PTPRD: variants seen among roughly 807,000 people sequenced by gnomAD.
The protein encoded by PTPRD is protein tyrosine phosphatase receptor type D.
In PTPRD, 34 loss-of-function variants were observed where a neutral mutation model predicts 214.5. The ratio of observed to expected loss-of-function variants is 0.16; its 90% CI spans 0.12 to 0.21. The LOEUF (loss-of-function observed/expected upper bound fraction) is 0.21, where lower values mean the gene tolerates loss of function less well. Ranked by LOEUF, PTPRD falls within the 10% of genes least tolerant of loss-of-function variation. The probability of loss-of-function intolerance (pLI) is 1.00; values close to 1 mark genes in which losing one functional copy is unlikely to be tolerated. For synonymous variants in PTPRD, 1,128 were observed against 845.7 expected (o/e 1.33, Z -5.79); for missense variants, 2,545 against 2,398.7 (o/e 1.06, Z -1.27).
chr9:10,078,610 G>A (rs1339821009), intron 3 of PTPRD, among the ~76,000 whole-genome samples: 1 of 150,854 alleles, frequency 6.6e-6, no homozygotes, highest in African/African-American at 2.4e-5. Context: ...CCCAATCAGG[G>A]GGTGTTTGGT....
At chr9:10,125,007 A>T (rs2098804966) in intron 3 of PTPRD, among the ~76,000 whole-genome samples, 1 of 152,216 alleles carries the variant, frequency 6.6e-6, no homozygotes, top group African/African-American at 2.4e-5. Context: ...ACAGAAAAGT[A>T]AAAATACATC....
intron 9 of PTPRD, among the ~76,000 whole-genome samples, chr9:9,275,660 T>A (rs1945329615): frequency 6.6e-6 from 1 of 151,208 alleles, no homozygotes; most frequent in African/African-American, 2.4e-5. Flanking sequence ...CAGAATATTG[T>A]CTTTCTAAGT....
chr9:8,948,470 T>TATATATATATTTATATATATATTTAC (rs1567182737), intron 11 of PTPRD, among the ~76,000 whole-genome samples: 191 of 8,588 alleles, frequency 0.022, 34 homozygotes, highest in African/African-American at 0.052. Flanking sequence ...TATATTTACA[T>TATATATATATTTATATATATATTTAC]ATATATATAT....
At chr9:8,623,979 T>G (rs2095912637) in intron 14 of PTPRD, among the ~76,000 whole-genome samples, 1 of 151,966 alleles carries the variant, frequency 6.6e-6, no homozygotes, top group African/African-American at 2.4e-5. Flanking sequence ...ATTCTTCTGC[T>G]TCTTCTAAAA....
chr9:9,339,800 A>C (rs1198686693), intron 9 of PTPRD, among the ~76,000 whole-genome samples: 1 of 152,188 alleles, frequency 6.6e-6, no homozygotes, highest in East Asian at 1.9e-4. Flanking sequence ...CACTACTTTG[A>C]GACTATAGCA....
At chr9:8,340,978 C>A in intron 41 of PTPRD, 112 bp downstream of exon 41, 1 of 1,082,670 alleles carries the variant, frequency 9.2e-7, no homozygotes, top group Non-Finnish European at 1.3e-6. Flanking sequence ...TAAATGATGA[C>A]CTATGCAGAA....
chr9:8,859,635 A>C lies in PTPRD; in HGVS notation c.-103-125689T>G, dbSNP rs2098054670. Reference sequence around the variant, plus strand: ...CTTAGATTTGACTTAATGATCCAGCATGCTGACTGCTGTCTCAAGCTGCCC... The same window carrying C: ...CTTAGATTTGACTTAATGATCCAGCCTGCTGACTGCTGTCTCAAGCTGCCC... On this transcript the variant is annotated intron_variant, in intron 11 of 45. Coordinates refer to ENST00000381196, the MANE Select transcript of PTPRD (RefSeq NM_002839.4). Among the ~76,000 whole-genome samples, 3 of 152,162 alleles carry C rather than the reference A, an allele frequency of 2.0e-5. 1 individual carries two copies. Among genetic ancestry groups the C allele is most frequent in the Admixed American group, 2.0e-4 (3 of 15,270 alleles).
chr9:9,676,473 T>C (rs1436121701), intron 7 of PTPRD, among the ~76,000 whole-genome samples: 1 of 152,082 alleles, frequency 6.6e-6, no homozygotes, highest in Non-Finnish European at 1.5e-5. Context: ...TTTTTATGGC[T>C]GCATAGTATT....
At chr9:10,170,438 T>G (rs2099194612) in intron 3 of PTPRD, among the ~76,000 whole-genome samples, 1 of 152,148 alleles carries the variant, frequency 6.6e-6, no homozygotes, top group South Asian at 2.1e-4. Context: ...ACACCTGTAA[T>G]CCCAGCACTT....
At position 9,463,244 on chromosome 9, in the gene PTPRD, A is replaced by T. The variant is rs1484352035; in HGVS notation, c.-236-65762T>A. 3.3e-5 allele frequency among the ~76,000 whole-genome samples: 5 copies of T among 152,180 alleles called. No homozygotes were observed. In the East Asian group the frequency reaches 9.7e-4, roughly 29 times the overall value. On this transcript the variant is annotated intron_variant, in intron 8 of 45. Transcript: ENST00000381196. Reference sequence around the variant, plus strand: ...TGCTTTAAGAATCAGGCAGCTAGGGATCATTGAATCCTTGAAGTTTAAATT... The same window carrying T: ...TGCTTTAAGAATCAGGCAGCTAGGGTTCATTGAATCCTTGAAGTTTAAATT...
intron 2 of PTPRD, among the ~76,000 whole-genome samples, chr9:10,450,221 A>C (rs2098831244): frequency 6.6e-6 from 1 of 151,666 alleles, no homozygotes; most frequent in African/African-American, 2.4e-5. Context: ...TCCAAGAAAC[A>C]CCCAAGAATG....
rs893491196 is a variant in PTPRD, at chr9:8,341,721, T to G, written c.4919A>C (p.Asn1640Thr). 1.9e-6 allele frequency: 3 copies of G among 1,613,476 alleles called. No homozygotes were observed. The highest frequency in any genetic ancestry group is 2.7e-5 in the African/African-American group (2 of 74,980). Residue 1640 changes from asparagine to threonine, a missense_variant, in exon 40 of 46, where the codon AAT (asparagine) becomes ACT (threonine). By Grantham distance (65) the Asn-to-Thr change is moderately conservative. Transcript: ENST00000381196. ...QKLTQIETGE[N>T]VTGMELEFKR... is the part of the protein sequence containing the mutation. ...AAATTCGAGCTCCATTCCTGTGACA[T>G]TCTCTCCCGTTTCTATTTGTGTCAG...
Position 9,616,648 on chromosome 9 carries a change from G to A in PTPRD, c.-286-41867C>T, listed in dbSNP as rs189300081. Among the ~76,000 whole-genome samples, 4 of 152,144 alleles carry A rather than the reference G, an allele frequency of 2.6e-5. No homozygotes were observed. In the East Asian group the frequency reaches 7.7e-4, roughly 29 times the overall value. On this transcript the variant is annotated intron_variant, in intron 7 of 45. Transcript: ENST00000381196. ...CAAAACTCGTTGGGGCTAAAACACG[G>A]CTATATGAAAAAGTTCATGATCACA...
At chr9:8,872,591 C>T (rs752663064) in intron 11 of PTPRD, among the ~76,000 whole-genome samples, 2 of 152,176 alleles carry the variant, frequency 1.3e-5, no homozygotes, top group Non-Finnish European at 2.9e-5. Flanking sequence ...CTGCACAAAG[C>T]GTGATAGAAC....
intron 10 of PTPRD, among the ~76,000 whole-genome samples, chr9:9,039,763 G>C (rs2099633518): frequency 6.6e-6 from 1 of 152,142 alleles, no homozygotes; most frequent in East Asian, 1.9e-4. Context: ...TTTGTACTGG[G>C]AAAGTAAGAG....
At chr9:9,856,908 C>T (rs550008110) in intron 5 of PTPRD, among the ~76,000 whole-genome samples, 1 of 152,038 alleles carries the variant, frequency 6.6e-6, no homozygotes, top group Non-Finnish European at 1.5e-5. Flanking sequence ...GAAAAATAAG[C>T]TAGAATAAAA....
chr9:9,757,791 C>A (rs1440139263), intron 6 of PTPRD, among the ~76,000 whole-genome samples: 1 of 151,972 alleles, frequency 6.6e-6, no homozygotes, highest in Admixed American at 6.6e-5. Flanking sequence ...GCCATCCTTC[C>A]AAAAATATGT....
intron 3 of PTPRD, among the ~76,000 whole-genome samples, chr9:10,207,365 C>T (rs2099488522): frequency 6.6e-6 from 1 of 151,976 alleles, no homozygotes; most frequent in African/African-American, 2.4e-5. Context: ...TCATGAGAGA[C>T]ATTGGTCTGT....
In PTPRD at chr9:8,825,302, A is replaced by G. The variant is rs1170601404; in HGVS notation, c.-103-91356T>C. ...TAAGTTTGATAACTTAAAGGAAAGT[A>G]CACCATTTTAGTTAAAGCCTTGGTA... On this transcript the variant is annotated intron_variant, in intron 11 of 45. Transcript: ENST00000381196. Among the ~76,000 whole-genome samples the G allele has an allele frequency of 2.0e-5, 3 of 152,364 alleles. No individual in the cohort carries two copies. The East Asian group carries it at 5.8e-4, about 29-fold the overall frequency.
Sources: allele counts gnomAD v4.1 joint callset (sites outside exome capture counted in the v4.1 genomes callset), GRCh38; gene constraint gnomAD v4.1.1; transcripts MANE v1.5; gene names NCBI Gene and HGNC (gene_info 2026-07-23, HGNC 2026-07-21).